Variants in SYT16 observed in about 807,000 individuals in gnomAD.
SYT16 encodes synaptotagmin 16.
In SYT16, 42 loss-of-function variants were observed where a neutral mutation model predicts 61.4. That is an observed-to-expected ratio of 0.68 (90% confidence interval 0.53 to 0.89). The LOEUF (loss-of-function observed/expected upper bound fraction) is 0.89. Ranked by LOEUF, SYT16 falls within the 40% of genes least tolerant of loss-of-function variation. The pLI, the probability that SYT16 is intolerant of heterozygous loss-of-function variation, is 0.00. For missense variants in SYT16, 804 were observed against 807.3 expected, an observed-to-expected ratio of 1.00 and a Z score of 0.05; for synonymous variants, 314 against 302.3, an observed-to-expected ratio of 1.04 and a Z score of -0.40.
rs959005415 is a variant in SYT16 at position 62,102,447 on chromosome 14, G to A, written c.*1740G>A. On this transcript the variant is annotated 3_prime_UTR_variant, in exon 8 of 8. Transcript: ENST00000683842. Reference sequence around the variant, plus strand: ...ATGGCTGCTCAGTTATTAGGAATATGTAATAAAACCATGTTCCTCTGGGTT... The same window carrying A: ...ATGGCTGCTCAGTTATTAGGAATATATAATAAAACCATGTTCCTCTGGGTT... 2 of 152,128 alleles carry A rather than the reference G, an allele frequency of 1.3e-5. No individual in the cohort carries two copies. The highest frequency in any genetic ancestry group is 2.9e-5 in the Non-Finnish European group (2 of 68,020). 9.4% of individuals were successfully genotyped at this position (152,128 alleles called of 1,614,324 possible).
At chr14:61,924,597 G>C (rs931881447) in intron 1 of SYT16, among the ~76,000 whole-genome samples, 13 of 152,156 alleles carry the variant, frequency 8.5e-5, no homozygotes, top group Non-Finnish European at 1.8e-4. Context: ...AATCTAGTTA[G>C]TGCTATCGGC....
intron 1 of SYT16, among the ~76,000 whole-genome samples, chr14:61,932,422 G>A (rs559325620): frequency 3.3e-5 from 5 of 152,198 alleles, no homozygotes; most frequent in Admixed American, 6.5e-5. Context: ...GAGGCCTCAG[G>A]AAACTTACAA....
At chr14:62,072,942 C>T (rs756763237) in intron 4 of SYT16, among the ~76,000 whole-genome samples, 1 of 152,046 alleles carries the variant, frequency 6.6e-6, no homozygotes, top group Non-Finnish European at 1.5e-5. Flanking sequence ...TCTAAGAAGC[C>T]AGGATACGTT....
rs1462947592 is a variant in SYT16, at chr14:62,105,493, C to T, written c.*4786C>T. 3 of 152,106 alleles carry T rather than the reference C, an allele frequency of 2.0e-5. No individual in the cohort carries two copies. Among genetic ancestry groups the T allele is most frequent in the Non-Finnish European group, 4.4e-5 (3 of 68,006 alleles). 9.4% of individuals were successfully genotyped at this position (152,106 alleles called of 1,614,324 possible). On this transcript the variant is annotated 3_prime_UTR_variant, in exon 8 of 8. Coordinates refer to ENST00000683842, the MANE Select transcript of SYT16 (RefSeq NM_001367656.1). ...TACTCTAATAACACAGCTCTCAAAA[C>T]GTATCTGTTTGACTGGAATGTCCTG...
At chr14:61,923,137 A>T (rs1028975499) in intron 1 of SYT16, among the ~76,000 whole-genome samples, 7 of 152,184 alleles carry the variant, frequency 4.6e-5, no homozygotes, top group Non-Finnish European at 1.0e-4. Context: ...GGCTCTTATA[A>T]ATATTATGTA....
intron 1 of SYT16, among the ~76,000 whole-genome samples, chr14:61,860,775 G>T (rs1566633131): frequency 6.6e-6 from 1 of 152,170 alleles, no homozygotes; most frequent in African/African-American, 2.4e-5. Flanking sequence ...TTCATGTGAG[G>T]CCATTCGATT....
intron 3 of SYT16, among the ~76,000 whole-genome samples, chr14:62,024,574 T>C (rs1296814003): frequency 6.6e-6 from 1 of 152,050 alleles, no homozygotes; most frequent in Non-Finnish European, 1.5e-5. Context: ...CCCCCCACTA[T>C]CATTCTTCTC....
intron 1 of SYT16, among the ~76,000 whole-genome samples, chr14:61,939,477 C>G (rs1368475519): frequency 1.3e-5 from 2 of 152,224 alleles, no homozygotes; most frequent in African/African-American, 4.8e-5. Flanking sequence ...AGTCTGAGAT[C>G]AAGGTGTCCG....
At chr14:61,819,767 T>C (rs1421193658) in intron 1 of SYT16, among the ~76,000 whole-genome samples, 1 of 152,198 alleles carries the variant, frequency 6.6e-6, no homozygotes, top group Admixed American at 6.5e-5. Flanking sequence ...AGCACAGGCC[T>C]GGTTCCAGAG....
intron 3 of SYT16, among the ~76,000 whole-genome samples, chr14:62,068,855 G>A (rs1026585087): frequency 1.7e-4 from 26 of 152,046 alleles, no homozygotes; most frequent in Admixed American, 1.2e-3. Flanking sequence ...GAGTGCAGTG[G>A]TGCGATCTCA....
intron 5 of SYT16, among the ~76,000 whole-genome samples, chr14:62,075,680 CTTTTA>C (rs2140958446): frequency 1.2e-5 from 1 of 86,184 alleles, no homozygotes; most frequent in East Asian, 3.3e-4. Flanking sequence ...CCAGGCTTTT[CTTTTA>C]TATAAAGGCT....
intron 1 of SYT16, among the ~76,000 whole-genome samples, chr14:61,931,480 T>G (rs1430820096): frequency 1.3e-5 from 2 of 152,212 alleles, no homozygotes; most frequent in Admixed American, 1.3e-4. Context: ...TTATTTTTAT[T>G]ATTTTGATGT....
At chr14:61,977,517 T>G (rs1392127233) in intron 2 of SYT16, among the ~76,000 whole-genome samples, 1 of 152,156 alleles carries the variant, frequency 6.6e-6, no homozygotes, top group Non-Finnish European at 1.5e-5. Flanking sequence ...TAGCTCCTTA[T>G]GAAACCATCA....
At chr14:61,931,854 G>A (rs1649034465) in intron 1 of SYT16, among the ~76,000 whole-genome samples, 1 of 152,126 alleles carries the variant, frequency 6.6e-6, no homozygotes, top group Admixed American at 6.6e-5. Context: ...GCACCCATTA[G>A]AATAAATTCT....
chr14:62,058,699 G>A (rs1469616463), intron 3 of SYT16, among the ~76,000 whole-genome samples: 1 of 152,076 alleles, frequency 6.6e-6, no homozygotes, highest in African/African-American at 2.4e-5. Context: ...GTGTTCAAAA[G>A]TAGTTTTATC....
intron 1 of SYT16, among the ~76,000 whole-genome samples, chr14:61,944,995 A>G (rs542519416): frequency 6.6e-6 from 1 of 152,338 alleles, no homozygotes; most frequent in East Asian, 1.9e-4. Context: ...CTGTCTGACA[A>G]AGGGCTAATA....
In SYT16 at chr14:61,933,444, A is replaced by G. The variant is rs143641993; in HGVS notation, c.-324-36688A>G. On this transcript the variant is annotated intron_variant, in intron 1 of 7. Coordinates refer to ENST00000683842, the MANE Select transcript of SYT16 (RefSeq NM_001367656.1). ...CTACCCTATACTCATCCCTGAATGT[A>G]GGACTGTATAGTACAGTTATGTGAT... 5.9e-3 allele frequency among the ~76,000 whole-genome samples: 896 copies of G among 152,360 alleles called. 9 individuals carry two copies. Among genetic ancestry groups the G allele is most frequent in the African/African-American group, 0.02 (838 of 41,578 alleles).
Position 62,075,232 on chromosome 14 carries a change from G to T in SYT16, c.834G>T (p.Gly278=). Residue 278 remains glycine (G), a synonymous_variant, in exon 5 of 8, where the codon GGG becomes GGT. Transcript: ENST00000683842. The part of the protein sequence containing the change: ...PAHSQSPCER[G]DAKHHGTSHQ... ...ACTCACAGTCCCCATGTGAAAGAGG[G>T]GATGCCAAACACCACGGCACATCTC... 6.2e-7 allele frequency: 1 copy of T among 1,613,764 alleles called. No homozygotes were observed. The highest frequency in any genetic ancestry group is 8.5e-7 in the Non-Finnish European group (1 of 1,179,808).
At chr14:62,082,350 C>T (rs890822937) in intron 6 of SYT16, among the ~76,000 whole-genome samples, 13 of 152,126 alleles carry the variant, frequency 8.5e-5, no homozygotes, top group African/African-American at 3.1e-4. Flanking sequence ...TTTTTGCCTC[C>T]CTAAATCTAT....
Sources: gnomAD v4.1 joint callset for allele counts (sites outside exome capture counted in the v4.1 genomes callset) on GRCh38, gnomAD v4.1.1 for gene constraint, MANE v1.5 for transcripts, NCBI Gene and HGNC (gene_info 2026-07-23, HGNC 2026-07-21) for gene names.